The following GOT1 variants were observed in gnomAD, a reference collection of about 807,000 sequenced individuals.
GOT1 encodes glutamic-oxaloacetic transaminase 1.
In GOT1, 25 loss-of-function variants were observed where a neutral mutation model predicts 48.2. The ratio of observed to expected loss-of-function variants is 0.52; its 90% CI spans 0.38 to 0.72. The LOEUF (loss-of-function observed/expected upper bound fraction) is 0.72, where lower values mean the gene tolerates loss of function less well. Ranked by LOEUF, GOT1 falls within the 30% of genes least tolerant of loss-of-function variation. The pLI, the probability that GOT1 is intolerant of heterozygous loss-of-function variation, is 0.00. For missense variants in GOT1, 380 were observed against 520.1 expected (o/e 0.73, Z 2.62); for synonymous variants, 188 against 193.8 (o/e 0.97, Z 0.25).
intron 2 of GOT1, among the ~76,000 whole-genome samples, chr10:99,411,044 A>T (rs17569578): frequency 0.056 from 8,527 of 152,348 alleles, 358 homozygotes; most frequent in Middle Eastern, 0.1. Context: ...GGCCAGAGCC[A>T]TGCTGCATTC....
Position 99,403,855 on chromosome 10 carries a change from A to C in GOT1, c.662T>G (p.Phe221Cys). ...SVMKHRFLFP[F>C]FDSAYQGFAS... is the part of the protein sequence containing the mutation. The stretch of plus-strand genomic sequence containing the variant: ...GAAGCCCTGATAGGCTGAGTCAAAG[A>C]AGGGGAACAGAAACCGGTGCTGCGG... Residue 221 changes from phenylalanine (F) to cysteine (C), a missense_variant, in exon 6 of 9, where the codon TTC becomes TGC. Transcript: ENST00000370508. 1 of 1,613,858 alleles carries C rather than the reference A, an allele frequency of 6.2e-7. No homozygotes were observed. Among genetic ancestry groups the C allele is most frequent in the Non-Finnish European group, 8.5e-7 (1 of 1,180,022 alleles).
intron 5 of GOT1, among the ~76,000 whole-genome samples, chr10:99,405,540 C>CAT (rs943149202): frequency 1.3e-5 from 2 of 151,766 alleles, no homozygotes; most frequent in Admixed American, 6.6e-5. Flanking sequence ...CACACACACA[C>CAT]ACACACACAC....
At position 99,420,607 on chromosome 10, in the gene GOT1, C is replaced by T; in HGVS notation, c.300+17G>A. On this transcript the variant is annotated intron_variant, in intron 2 of 8. Coordinates refer to ENST00000370508, the MANE Select transcript of GOT1 (RefSeq NM_002079.3). ...TTCAGTTTCTAAAGAGAAAATACAT[C>T]CTTACCCAAAACTTACCCGCTTCTC... The T allele has an allele frequency of 6.3e-7, 1 of 1,584,322 alleles. No individual in the cohort carries two copies. The highest frequency in any genetic ancestry group is 8.6e-7 in the Non-Finnish European group (1 of 1,161,268).
At position 99,430,203 on chromosome 10, in the gene GOT1, T is replaced by C. The variant is rs1409057923; in HGVS notation, c.118+245A>G. Reference sequence around the variant, plus strand: ...AATGGGGAATCGGAAAGACTGAGTTTGTGTCTTGGCTGCTACACCTGGTTT... The same window carrying C: ...AATGGGGAATCGGAAAGACTGAGTTCGTGTCTTGGCTGCTACACCTGGTTT... On this transcript the variant is annotated intron_variant, in intron 1 of 8. Coordinates refer to ENST00000370508, the MANE Select transcript of GOT1 (RefSeq NM_002079.3). The C allele has an allele frequency of 8.4e-6, 9 of 1,070,022 alleles. No individual in the cohort carries two copies. In the South Asian group the frequency reaches 1.2e-4, roughly 14 times the overall value. The allele number at this position is 1,070,022 out of a possible 1,614,324, so 66.3% of individuals were successfully genotyped here. A position where few individuals can be genotyped will look rare whatever the true frequency, so the allele number is the denominator to read the frequency against.
At chr10:99,429,542 G>T (rs1401609026) in intron 1 of GOT1, among the ~76,000 whole-genome samples, 2 of 151,904 alleles carry the variant, frequency 1.3e-5, no homozygotes, top group Non-Finnish European at 2.9e-5. Flanking sequence ...CATCTCTCTG[G>T]CTGGTCTTTG....
At chr10:99,410,866 C>T (rs776424807) in intron 2 of GOT1, among the ~76,000 whole-genome samples, 1 of 152,154 alleles carries the variant, frequency 6.6e-6, no homozygotes, top group South Asian at 2.1e-4. Flanking sequence ...CAAGAGTATC[C>T]AGAACAAGGG....
chr10:99,417,019 G>A (rs2032904841), intron 2 of GOT1, among the ~76,000 whole-genome samples: 1 of 152,156 alleles, frequency 6.6e-6, no homozygotes. Context: ...ATAGGCATGG[G>A]CAAGGACTTC....
chr10:99,400,294 A>T (rs531054121), intron 8 of GOT1, among the ~76,000 whole-genome samples: 1 of 152,352 alleles, frequency 6.6e-6, no homozygotes. Flanking sequence ...AATTGTAGAA[A>T]CTAGGTGGCG....
intron 5 of GOT1, among the ~76,000 whole-genome samples, chr10:99,404,803 A>T (rs2032731984): frequency 6.6e-6 from 1 of 152,052 alleles, no homozygotes; most frequent in Admixed American, 6.6e-5. Flanking sequence ...TATTCACTCT[A>T]GCCTCATCAC....
intron 8 of GOT1, among the ~76,000 whole-genome samples, chr10:99,399,736 G>A (rs1009727663): frequency 2.6e-5 from 4 of 152,178 alleles, no homozygotes; most frequent in Admixed American, 6.5e-5. Flanking sequence ...TTGTGACGCC[G>A]CACTCCAGCC....
chr10:99,408,945 C>T (rs2032795624), intron 2 of GOT1, among the ~76,000 whole-genome samples: 1 of 151,600 alleles, frequency 6.6e-6, no homozygotes, highest in South Asian at 2.1e-4. Flanking sequence ...AAATAATAAT[C>T]CAGCTTTCGT....
intron 2 of GOT1, among the ~76,000 whole-genome samples, chr10:99,410,795 A>G (rs2032818955): frequency 6.6e-6 from 1 of 152,214 alleles, no homozygotes; most frequent in East Asian, 1.9e-4. Context: ...AAGGAAAATC[A>G]TAACATCAAA....
intron 2 of GOT1, among the ~76,000 whole-genome samples, chr10:99,420,097 C>T (rs1408102127): frequency 6.6e-6 from 1 of 152,214 alleles, no homozygotes; most frequent in African/African-American, 2.4e-5. Flanking sequence ...GCCACAGACA[C>T]CTTTTGAAAA....
chr10:99,430,289 C>A (rs1394197408), intron 1 of GOT1, 159 bp downstream of exon 1: 2 of 1,568,932 alleles, frequency 1.3e-6, no homozygotes, highest in South Asian at 2.3e-5. Context: ...GTAAAATGGG[C>A]AGGTTTTAGG....
chr10:99,418,888 AT>A, intron 2 of GOT1, among the ~76,000 whole-genome samples: 1 of 152,170 alleles, frequency 6.6e-6, no homozygotes, highest in East Asian at 1.9e-4. Context: ...AATATGATTA[AT>A]AATCTCTATA....
intron 1 of GOT1, among the ~76,000 whole-genome samples, chr10:99,422,241 C>T (rs188281356): frequency 5.9e-5 from 9 of 152,326 alleles, no homozygotes; most frequent in African/African-American, 2.2e-4. Context: ...TGCTTGCTTG[C>T]GCTTCACTCT....
intron 2 of GOT1, among the ~76,000 whole-genome samples, chr10:99,409,321 TGG>T (rs2032802426): frequency 6.7e-6 from 1 of 149,976 alleles, no homozygotes; most frequent in Non-Finnish European, 1.5e-5. Flanking sequence ...TTAGTACAGA[TGG>T]GGTTTCACCA....
At chr10:99,410,936 A>G (rs1016166929) in intron 2 of GOT1, among the ~76,000 whole-genome samples, 4 of 152,220 alleles carry the variant, frequency 2.6e-5, no homozygotes, top group Non-Finnish European at 5.9e-5. Context: ...ACATGTCAGC[A>G]TAAGATTGCT....
chr10:99,406,312 A>G (rs761552025), intron 3 of GOT1, 63 bp from the exon 4 acceptor site: 50 of 1,206,184 alleles, frequency 4.1e-5, no homozygotes, highest in Non-Finnish European at 5.7e-5. Flanking sequence ...AGTGGAAAGG[A>G]TGCAAGTCAG....
Sources: allele counts gnomAD v4.1 joint callset (sites outside exome capture counted in the v4.1 genomes callset), GRCh38; gene constraint gnomAD v4.1.1; transcripts MANE v1.5; gene names NCBI Gene and HGNC (gene_info 2026-07-23, HGNC 2026-07-21).